Variants in LRBA observed in about 807,000 individuals in gnomAD.
LRBA encodes lipopolysaccharide-responsive and beige-like anchor protein.
LRBA carries 176 observed loss-of-function variants against 330.0 expected under a neutral mutation model. That is an observed-to-expected ratio of 0.53 (90% CI 0.47 to 0.60). LRBA has a LOEUF of 0.60. LRBA is among the 20% of genes least tolerant of loss of function. The pLI, the probability that LRBA is intolerant of heterozygous loss-of-function variation, is 0.00. For missense variants in LRBA, 3,259 were observed against 3,444.8 expected (o/e 0.95, Z 1.35); for synonymous variants, 1,230 against 1,193.0 (o/e 1.03, Z -0.64).
chr4:150,794,657 C>A (rs1046703943), intron 34 of LRBA, among the ~76,000 whole-genome samples: 4 of 151,834 alleles, frequency 2.6e-5, no homozygotes, highest in African/African-American at 9.7e-5. Flanking sequence ...AAATATTTCC[C>A]AAAACAGCAA....
At chr4:150,787,074 T>C (rs1189443953) in intron 34 of LRBA, among the ~76,000 whole-genome samples, 2 of 151,536 alleles carry the variant, frequency 1.3e-5, no homozygotes, top group Non-Finnish European at 2.9e-5. Context: ...TTTACAAAAA[T>C]AAAAAAAAGT....
At chr4:150,598,235 T>C (rs1021269374) in intron 38 of LRBA, among the ~76,000 whole-genome samples, 9 of 152,174 alleles carry the variant, frequency 5.9e-5, no homozygotes, top group African/African-American at 2.2e-4. Flanking sequence ...ATAATTTTAA[T>C]GTGGGGAGGA....
At chr4:150,564,318 A>G (rs1022260190) in intron 40 of LRBA, among the ~76,000 whole-genome samples, 2 of 152,218 alleles carry the variant, frequency 1.3e-5, no homozygotes, top group African/African-American at 4.8e-5. Flanking sequence ...TGGTGCTGGG[A>G]AAACTGGCTA....
chr4:150,278,608 G>C (rs986309974), intron 55 of LRBA, among the ~76,000 whole-genome samples: 1 of 152,180 alleles, frequency 6.6e-6, no homozygotes, highest in African/African-American at 2.4e-5. Flanking sequence ...GCTCTAGGCT[G>C]TGCCCCTCTG....
intron 33 of LRBA, among the ~76,000 whole-genome samples, chr4:150,801,582 G>C (rs139593357): frequency 6.6e-6 from 1 of 152,200 alleles, no homozygotes; most frequent in East Asian, 1.9e-4. Flanking sequence ...CCTGCCTTTA[G>C]CATTTATCTA....
At chr4:150,435,031 G>C (rs1397903651) in intron 46 of LRBA, among the ~76,000 whole-genome samples, 8 of 151,866 alleles carry the variant, frequency 5.3e-5, no homozygotes, top group Non-Finnish European at 1.2e-4. Flanking sequence ...TTCTGATAGA[G>C]GAGAGACAGT....
chr4:150,969,349 T>C (rs1017084223), intron 2 of LRBA, among the ~76,000 whole-genome samples: 1 of 152,228 alleles, frequency 6.6e-6, no homozygotes. Context: ...TTCACCATTG[T>C]AGATGCCATG....
At chr4:150,289,316 G>A (rs7679051) in intron 53 of LRBA, among the ~76,000 whole-genome samples, 135,792 of 152,180 alleles carry the variant, frequency 0.89, 61,097 homozygotes, top group Non-Finnish European at 0.95. Flanking sequence ...TTCAAAACTG[G>A]AAAAGGATTT....
intron 40 of LRBA, among the ~76,000 whole-genome samples, chr4:150,528,614 T>C (rs748304635): frequency 6.6e-6 from 1 of 152,158 alleles, no homozygotes; most frequent in Non-Finnish European, 1.5e-5. Context: ...TCTCCCTTTT[T>C]TTATTTTAGG....
chr4:150,963,487 C>T (rs1393080050), intron 2 of LRBA, among the ~76,000 whole-genome samples: 1 of 149,636 alleles, frequency 6.7e-6, no homozygotes, highest in Non-Finnish European at 1.5e-5. Flanking sequence ...TCACTCAGTG[C>T]TCAATGGTGC....
intron 4 of LRBA, among the ~76,000 whole-genome samples, chr4:150,926,389 A>G (rs879601503): frequency 1.3e-5 from 2 of 152,198 alleles, no homozygotes; most frequent in African/African-American, 4.8e-5. Flanking sequence ...TAGTAAAACT[A>G]AACTAGCCGT....
At chr4:151,002,448 C>A (rs1743481475) in intron 2 of LRBA, among the ~76,000 whole-genome samples, 1 of 151,396 alleles carries the variant, frequency 6.6e-6, no homozygotes. Context: ...GCCTGTAATC[C>A]CAGCTACTTG....
intron 40 of LRBA, among the ~76,000 whole-genome samples, chr4:150,540,987 C>T (rs1581623104): frequency 6.6e-6 from 1 of 152,262 alleles, no homozygotes; most frequent in African/African-American, 2.4e-5. Context: ...AAAATGGTGG[C>T]TTTATCAGTT....
In LRBA at chr4:150,554,838, C is replaced by A. The variant is rs184155019; in HGVS notation, c.6330+33210G>T. 9.2e-5 allele frequency among the ~76,000 whole-genome samples: 14 copies of A among 152,074 alleles called. No homozygotes were observed. The East Asian group carries it at 2.5e-3, about 27-fold the overall frequency. ...TAATCCTTCTTAATGATGTTCTATGCCACTTATAAAAAACTCATTAGGATG... is the reference window on the plus strand; with the variant it reads ...TAATCCTTCTTAATGATGTTCTATGACACTTATAAAAAACTCATTAGGATG... On this transcript the variant is annotated intron_variant, in intron 40 of 56. Transcript: ENST00000651943.
intron 37 of LRBA, among the ~76,000 whole-genome samples, chr4:150,660,498 C>T (rs1387624529): frequency 6.6e-5 from 10 of 150,898 alleles, no homozygotes; most frequent in Middle Eastern, 6.8e-3. Context: ...CAGCCCCCCC[C>T]GCCCGGCCAG....
intron 35 of LRBA, among the ~76,000 whole-genome samples, chr4:150,745,105 T>C (rs6854740): frequency 0.8 from 122,169 of 152,036 alleles, 51,358 homozygotes; most frequent in Non-Finnish European, 0.94. Context: ...AGCATGGAAC[T>C]GAATTCTGCC....
chr4:150,708,094 C>G (rs1228421506), intron 36 of LRBA, among the ~76,000 whole-genome samples: 1 of 151,724 alleles, frequency 6.6e-6, no homozygotes, highest in African/African-American at 2.4e-5. Flanking sequence ...AAACAGGTAT[C>G]AAGGCAAATC....
chr4:150,285,384 T>C (rs1748019300), intron 54 of LRBA, among the ~76,000 whole-genome samples: 1 of 152,206 alleles, frequency 6.6e-6, no homozygotes, highest in Admixed American at 6.5e-5. Flanking sequence ...GGCCTAAATA[T>C]ATAATGCTGT....
At chr4:150,467,177 A>T (rs1755548762) in intron 44 of LRBA, among the ~76,000 whole-genome samples, 1 of 152,190 alleles carries the variant, frequency 6.6e-6, no homozygotes, top group Admixed American at 6.6e-5. Context: ...CATCAAATAC[A>T]TTGAAATCTA....
Sources: allele counts gnomAD v4.1 joint callset (sites outside exome capture counted in the v4.1 genomes callset), GRCh38; gene constraint gnomAD v4.1.1; transcripts MANE v1.5; gene names NCBI Gene and HGNC (gene_info 2026-07-23, HGNC 2026-07-21).